Variants in SGCD observed in about 807,000 individuals in gnomAD.
The protein encoded by SGCD is delta-sarcoglycan.
SGCD carries 18 observed loss-of-function variants against 36.6 expected under a neutral mutation model. The observed-to-expected ratio is 0.49, with a 90% confidence interval of 0.34 to 0.73. SGCD has a LOEUF of 0.73. SGCD is among the 30% of genes least tolerant of loss of function. SGCD has a pLI of 0.01. For missense variants in SGCD, 387 were observed against 346.7 expected (o/e 1.12, Z -0.92); for synonymous variants, 133 against 130.6 (o/e 1.02, Z -0.12).
intron 3 of SGCD, among the ~76,000 whole-genome samples, chr5:156,418,996 T>C (rs1404640512): frequency 1.3e-5 from 2 of 152,214 alleles, no homozygotes; most frequent in African/African-American, 2.4e-5. Flanking sequence ...TAGTAACTTG[T>C]ATGTTTCAGA....
chr5:156,071,946 T>A (rs1760580834), intron 1 of SGCD, among the ~76,000 whole-genome samples: 1 of 152,168 alleles, frequency 6.6e-6, no homozygotes. Flanking sequence ...GAGACTAGGA[T>A]TGCAACCCCT....
chr5:156,615,132 A>T (rs547464641), intron 6 of SGCD, among the ~76,000 whole-genome samples: 2 of 152,318 alleles, frequency 1.3e-5, no homozygotes, highest in South Asian at 4.1e-4. Context: ...AATGGCCTTT[A>T]AAAAGCAGCA....
chr5:156,406,174 T>C (rs1019053456), intron 3 of SGCD, among the ~76,000 whole-genome samples: 2 of 152,144 alleles, frequency 1.3e-5, no homozygotes, highest in African/African-American at 2.4e-5. Flanking sequence ...AGAAATAACC[T>C]GAGAGCCACA....
At chr5:156,409,426 GC>G (rs1205015955) in intron 3 of SGCD, among the ~76,000 whole-genome samples, 1 of 152,090 alleles carries the variant, frequency 6.6e-6, no homozygotes, top group East Asian at 1.9e-4. Flanking sequence ...TCTTCAGATC[GC>G]CCACGCATCA....
chr5:155,911,313 G>GTA (rs1158002085), intron 1 of SGCD, among the ~76,000 whole-genome samples: 5 of 115,194 alleles, frequency 4.3e-5, no homozygotes, highest in African/African-American at 1.3e-4. Context: ...GTGTGTGTGT[G>GTA]TGTGTGTATA....
chr5:155,864,494 T>G, the SGCD span, among the ~76,000 whole-genome samples: 1 of 151,968 alleles, frequency 6.6e-6, no homozygotes, highest in Non-Finnish European at 1.5e-5. Flanking sequence ...CCTGGATTAA[T>G]TAAATTAAAA....
the SGCD span, among the ~76,000 whole-genome samples, chr5:155,738,890 TGA>T: frequency 3.4e-5 from 5 of 148,614 alleles, no homozygotes; most frequent in South Asian, 2.1e-4. Flanking sequence ...AGAGTGTGTG[TGA>T]GTGTGTGAGA....
chr5:156,721,619 C>G (rs157679), intron 7 of SGCD, among the ~76,000 whole-genome samples: 122,750 of 152,174 alleles, frequency 0.81, 49,708 homozygotes, highest in East Asian at 0.96. Flanking sequence ...TCTAATGGAG[C>G]ACATCTGCAT....
intron 3 of SGCD, among the ~76,000 whole-genome samples, chr5:156,267,493 G>A (rs1006980226): frequency 7.2e-5 from 11 of 152,114 alleles, no homozygotes; most frequent in Non-Finnish European, 1.3e-4. Context: ...CTGACCTGCC[G>A]GATCCAAGGC....
intron 6 of SGCD, among the ~76,000 whole-genome samples, chr5:156,605,704 G>A (rs1174133737): frequency 1.3e-5 from 2 of 152,188 alleles, no homozygotes; most frequent in Non-Finnish European, 2.9e-5. Flanking sequence ...ATCCTCTCCA[G>A]CACTTGTTGT....
At chr5:156,046,357 A>C (rs1759765257) in intron 1 of SGCD, among the ~76,000 whole-genome samples, 1 of 152,086 alleles carries the variant, frequency 6.6e-6, no homozygotes, top group South Asian at 2.1e-4. Context: ...GCTGTATACT[A>C]TGCAGGCATA....
intron 4 of SGCD, among the ~76,000 whole-genome samples, chr5:156,571,367 C>G (rs1227064788): frequency 6.6e-6 from 1 of 151,952 alleles, no homozygotes; most frequent in African/African-American, 2.4e-5. Context: ...CCTTTTTAAA[C>G]ATATTTTTTT....
In SGCD at chr5:156,764,574, T is replaced by C. The variant is rs1455164363; in HGVS notation, c.*5184T>C. ...ACTTGTGGGAGGTCCTCCTTTTGAGTATTGTTAGAGCATACATGTAAAAGA... is the reference window on the plus strand; with the variant it reads ...ACTTGTGGGAGGTCCTCCTTTTGAGCATTGTTAGAGCATACATGTAAAAGA... On this transcript the variant is annotated 3_prime_UTR_variant, in exon 9 of 9. Coordinates refer to ENST00000337851, the MANE Select transcript of SGCD (RefSeq NM_000337.6). 6.6e-6 allele frequency: 1 copy of C among 152,610 alleles called. No individual in the cohort carries two copies. The highest frequency in any genetic ancestry group is 2.4e-5 in the African/African-American group (1 of 41,444). 9.5% of individuals were successfully genotyped at this position (152,610 alleles called of 1,614,324 possible).
chr5:156,388,535 A>G (rs1217265682), intron 3 of SGCD, among the ~76,000 whole-genome samples: 1 of 152,232 alleles, frequency 6.6e-6, no homozygotes, highest in African/African-American at 2.4e-5. Flanking sequence ...AAATCATTTA[A>G]TGACTGATTG....
chr5:156,654,233 G>A (rs1763587410), intron 7 of SGCD, among the ~76,000 whole-genome samples: 1 of 152,130 alleles, frequency 6.6e-6, no homozygotes, highest in Non-Finnish European at 1.5e-5. Flanking sequence ...GGAAAATGTA[G>A]CACTTGTGGA....
chr5:156,165,449 A>G (rs1260836382), intron 3 of SGCD, among the ~76,000 whole-genome samples: 1 of 152,216 alleles, frequency 6.6e-6, no homozygotes, highest in East Asian at 1.9e-4. Flanking sequence ...TATGAAAGGT[A>G]GCTGAATTCC....
chr5:156,500,916 G>T (rs1756418219), intron 3 of SGCD, among the ~76,000 whole-genome samples: 1 of 152,126 alleles, frequency 6.6e-6, no homozygotes, highest in African/African-American at 2.4e-5. Flanking sequence ...TCAGAATTTT[G>T]CAGACATCCT....
At chr5:155,827,072 T>C in the SGCD span, among the ~76,000 whole-genome samples, 1 of 152,224 alleles carries the variant, frequency 6.6e-6, no homozygotes, top group African/African-American at 2.4e-5. Context: ...GAAAGCCTGC[T>C]TTTTAGTTGA....
intron 7 of SGCD, among the ~76,000 whole-genome samples, chr5:156,714,839 T>A (rs1258497548): frequency 6.6e-6 from 1 of 152,260 alleles, no homozygotes; most frequent in Non-Finnish European, 1.5e-5. Context: ...TTATTTTTTT[T>A]AATATGCATC....
Sources: gnomAD v4.1 joint callset for allele counts (sites outside exome capture counted in the v4.1 genomes callset) on GRCh38, gnomAD v4.1.1 for gene constraint, MANE v1.5 for transcripts, NCBI Gene and HGNC (gene_info 2026-07-23, HGNC 2026-07-21) for gene names.